The following DOCK1 variants were observed in gnomAD, a reference collection of about 807,000 sequenced individuals.
DOCK1 encodes the protein dedicator of cytokinesis protein 1.
A neutral mutation model predicts 262.7 loss-of-function variants in DOCK1; 138 were observed. The observed-to-expected ratio is 0.53, with a 90% CI of 0.46 to 0.61. DOCK1 has a LOEUF of 0.61. Among genes scored for constraint, DOCK1 ranks in the 20% least tolerant of loss-of-function variants. DOCK1 has a pLI of 0.00. For missense variants in DOCK1, 1,908 were observed against 2,370.7 expected (o/e 0.80, Z 4.05); for synonymous variants, 866 against 867.4 (o/e 1.00, Z 0.03).
intron 1 of DOCK1, among the ~76,000 whole-genome samples, chr10:126,934,747 GTTTTTTTTTTTTT>G (rs1166445414): frequency 2.8e-5 from 3 of 107,448 alleles, no homozygotes; most frequent in African/African-American, 4.1e-5. Context: ...GAATTTACGA[GTTTTTTTTTTTTT>G]TTTTTTTTTT....
intron 48 of DOCK1, 146 bp downstream of exon 48, chr10:127,433,574 C>A: frequency 8.5e-7 from 1 of 1,177,686 alleles, no homozygotes. Flanking sequence ...CCCTCCGAGA[C>A]TTTCTGACCG....
At chr10:127,109,880 T>C (rs2048762093) in intron 24 of DOCK1, among the ~76,000 whole-genome samples, 2 of 152,218 alleles carry the variant, frequency 1.3e-5, no homozygotes, top group African/African-American at 2.4e-5. Context: ...AGGTGGTATA[T>C]GCCTGGAAGT....
Position 127,008,813 on chromosome 10 carries a change from G to C in DOCK1, c.1058+9G>C, listed in dbSNP as rs927039868. ...TTCATTCCCTTTCAGCCGTAAGTAT[G>C]GAGCAATTCAAGTACTTAGCCAGAT... On this transcript the variant is annotated intron_variant, in intron 11 of 51. Transcript: ENST00000623213. 6.3e-7 allele frequency: 1 copy of C among 1,592,668 alleles called. No individual in the cohort carries two copies. Among genetic ancestry groups the C allele is most frequent in the African/African-American group, 1.3e-5 (1 of 74,674 alleles).
chr10:127,402,008 G>A (rs139714165), intron 38 of DOCK1, among the ~76,000 whole-genome samples: 186 of 152,272 alleles, frequency 1.2e-3, no homozygotes, highest in African/African-American at 3.7e-3. Flanking sequence ...TGGCGCTACC[G>A]TCTTGTGGGA....
chr10:127,144,591 T>A (rs1000719937), intron 27 of DOCK1, among the ~76,000 whole-genome samples: 11 of 152,372 alleles, frequency 7.2e-5, no homozygotes, highest in African/African-American at 2.4e-4. Context: ...TTTTCTGTTT[T>A]CATTTAAAAT....
At chr10:127,002,261 T>C (rs2040647148) in intron 10 of DOCK1, among the ~76,000 whole-genome samples, 1 of 152,190 alleles carries the variant, frequency 6.6e-6, no homozygotes, top group Admixed American at 6.5e-5. Context: ...GCTCCTCTTT[T>C]CAACAGCAGA....
chr10:126,960,363 C>G (rs960022024), intron 1 of DOCK1, among the ~76,000 whole-genome samples: 3 of 151,718 alleles, frequency 2.0e-5, no homozygotes, highest in African/African-American at 7.3e-5. Context: ...TCAGTGGTGG[C>G]TGCACTTGAG....
chr10:127,224,567 A>C (rs1300266020), intron 27 of DOCK1, among the ~76,000 whole-genome samples: 1 of 151,740 alleles, frequency 6.6e-6, no homozygotes, highest in Non-Finnish European at 1.5e-5. Context: ...TCAGAAAAAA[A>C]AAAAAAAATT....
intron 29 of DOCK1, among the ~76,000 whole-genome samples, chr10:127,312,985 A>T (rs1467636804): frequency 6.6e-6 from 1 of 152,102 alleles, no homozygotes; most frequent in Non-Finnish European, 1.5e-5. Context: ...TAGCCTGGCC[A>T]TTGAGGCCTT....
At chr10:127,266,044 A>G in intron 29 of DOCK1, among the ~76,000 whole-genome samples, 1 of 152,228 alleles carries the variant, frequency 6.6e-6, no homozygotes, top group East Asian at 1.9e-4. Context: ...GGAGAGAGGG[A>G]AAAATTAGTG....
chr10:127,120,093 C>G (rs1564817099), intron 25 of DOCK1, among the ~76,000 whole-genome samples: 1 of 152,162 alleles, frequency 6.6e-6, no homozygotes, highest in African/African-American at 2.4e-5. Flanking sequence ...TGGAGCCTGG[C>G]TACCTTTATA....
intron 31 of DOCK1, among the ~76,000 whole-genome samples, chr10:127,346,776 G>A (rs558233740): frequency 2.6e-5 from 4 of 152,304 alleles, no homozygotes; most frequent in East Asian, 3.9e-4. Context: ...TAGGGCTTTC[G>A]TATTCTCTTT....
intron 13 of DOCK1, among the ~76,000 whole-genome samples, chr10:127,022,268 C>T (rs1378086965): frequency 6.6e-6 from 1 of 152,154 alleles, no homozygotes; most frequent in African/African-American, 2.4e-5. Flanking sequence ...CAGAAAGTTT[C>T]TCCCTAGACC....
Position 127,392,721 on chromosome 10 carries a change from C to T in DOCK1, c.3927+7812C>T, listed in dbSNP as rs371380267. On this transcript the variant is annotated intron_variant, in intron 38 of 51. Coordinates refer to ENST00000623213, the MANE Select transcript of DOCK1 (RefSeq NM_001290223.2). ...GACTCAGACTGAGCCCCTGGGAGAG[C>T]GAAAGGCCATGCCTCCCACCTCCCC... Among the ~76,000 whole-genome samples, 4 of 152,160 alleles carry T rather than the reference C, an allele frequency of 2.6e-5. No individual in the cohort carries two copies. The South Asian group carries it at 6.2e-4, about 24-fold the overall frequency.
At chr10:127,386,178 G>A (rs927011533) in intron 38 of DOCK1, among the ~76,000 whole-genome samples, 3 of 152,112 alleles carry the variant, frequency 2.0e-5, no homozygotes, top group African/African-American at 4.8e-5. Context: ...TAAGCGATGC[G>A]GCATCCTTTA....
At chr10:127,013,646 T>C (rs2041643225) in intron 12 of DOCK1, 1 of 152,196 alleles carries the variant, frequency 6.6e-6, no homozygotes, top group East Asian at 1.9e-4. Context: ...CCGGCGAACC[T>C]TGGGCTCATG....
In DOCK1 at chr10:127,023,321, A is replaced by G; in HGVS notation, c.1449A>G (p.Leu483=). The G allele has an allele frequency of 6.2e-7, 1 of 1,613,856 alleles. No homozygotes were observed. The highest frequency in any genetic ancestry group is 8.5e-7 in the Non-Finnish European group (1 of 1,179,854). Residue 483 remains leucine (L), a synonymous_variant, in exon 14 of 52, where the codon TTA becomes TTG. Transcript: ENST00000623213. ...TGTACGATGAGGATGGGAAACGATT[A>G]GAGGTATTTATTGTGGCGAGGGCTC... ...VSVYDEDGKR[L]EHVIFPGAGD... is the part of the protein sequence containing the mutation.
At chr10:127,225,224 C>T (rs2058592241) in intron 27 of DOCK1, among the ~76,000 whole-genome samples, 1 of 152,170 alleles carries the variant, frequency 6.6e-6, no homozygotes, top group Admixed American at 6.5e-5. Flanking sequence ...ACTAAACTGA[C>T]AGGTGTTTTA....
intron 49 of DOCK1, among the ~76,000 whole-genome samples, chr10:127,440,328 A>G (rs887632453): frequency 6.6e-6 from 1 of 152,064 alleles, no homozygotes; most frequent in African/African-American, 2.4e-5. Context: ...CACCCCCAAC[A>G]TTTCAACATG....
Sources: allele counts gnomAD v4.1 joint callset (sites outside exome capture counted in the v4.1 genomes callset), GRCh38; gene constraint gnomAD v4.1.1; transcripts MANE v1.5; gene names NCBI Gene and HGNC (gene_info 2026-07-23, HGNC 2026-07-21).